The following CHCHD2 variants were observed in gnomAD, a reference collection of about 807,000 sequenced individuals.
The protein encoded by CHCHD2 is coiled-coil-helix-coiled-coil-helix domain-containing protein 2.
In CHCHD2, 17 loss-of-function variants were observed where a neutral mutation model predicts 17.5. That is an observed-to-expected ratio of 0.97 (90% CI 0.67 to 1.46). The LOEUF is 1.46. CHCHD2 is among the 40% of genes most tolerant of loss of function. The pLI is 0.00. For synonymous variants in CHCHD2, 63 were observed against 74.3 expected, an observed-to-expected ratio of 0.85 and a Z score of 0.78; for missense variants, 175 against 199.9, an observed-to-expected ratio of 0.88 and a Z score of 0.75.
chr7:56,103,893 C>T (rs777311600), intron 2 of CHCHD2, among the ~76,000 whole-genome samples: 5 of 152,092 alleles, frequency 3.3e-5, no homozygotes, highest in Non-Finnish European at 7.3e-5. Context: ...CACAGCTATG[C>T]GAGATTTTTG....
rs1785384119 is a variant in CHCHD2 at position 56,106,352 on chromosome 7, C to A, written c.50+12G>T. 6.2e-7 allele frequency: 1 copy of A among 1,612,702 alleles called. No homozygotes were observed. Among genetic ancestry groups the A allele is most frequent in the South Asian group, 1.1e-5 (1 of 90,932 alleles). On this transcript the variant is annotated intron_variant, in intron 1 of 3. Transcript: ENST00000395422. ...GGCCGCGCTTTGGTCTCAAACCCTGCGATGGTCTCACCTGGCCGGAGGGGC... is the reference window on the plus strand; with the variant it reads ...GGCCGCGCTTTGGTCTCAAACCCTGAGATGGTCTCACCTGGCCGGAGGGGC...
Position 56,101,691 on chromosome 7 carries a change from C to A in CHCHD2, c.*160G>T, listed in dbSNP as rs1049959679. On this transcript the variant is annotated 3_prime_UTR_variant, in exon 4 of 4. Coordinates refer to ENST00000395422, the MANE Select transcript of CHCHD2 (RefSeq NM_016139.4). Reference sequence around the variant, plus strand: ...TCCCAGATTCTACAGAGTAGGGACACCCCCACTTCCATTTCAATTCTGAAG... The same window carrying A: ...TCCCAGATTCTACAGAGTAGGGACAACCCCACTTCCATTTCAATTCTGAAG... 8 of 662,700 alleles carry A rather than the reference C, an allele frequency of 1.2e-5. No homozygotes were observed. In the Admixed American group the frequency reaches 1.4e-4, roughly 12 times the overall value. 41.1% of individuals were successfully genotyped at this position (662,700 alleles called of 1,614,324 possible).
chr7:56,106,356 G>A lies in CHCHD2; in HGVS notation c.50+8C>T, dbSNP rs1366234573. 2 of 1,612,912 alleles carry A rather than the reference G, an allele frequency of 1.2e-6. No homozygotes were observed. Among genetic ancestry groups the A allele is most frequent in the Non-Finnish European group, 1.7e-6 (2 of 1,179,362 alleles). On this transcript the variant is annotated splice_region_variant and intron_variant, in intron 1 of 3. Transcript: ENST00000395422. ...GCGCTTTGGTCTCAAACCCTGCGATGGTCTCACCTGGCCGGAGGGGCCATG... is the reference window on the plus strand; with the variant it reads ...GCGCTTTGGTCTCAAACCCTGCGATAGTCTCACCTGGCCGGAGGGGCCATG...
At chr7:56,105,028 C>T (rs187782732) in intron 1 of CHCHD2, among the ~76,000 whole-genome samples, 131 of 151,762 alleles carry the variant, frequency 8.6e-4, no homozygotes, top group African/African-American at 3.0e-3. Flanking sequence ...CTTCTGCCTC[C>T]GCTTCCCAAG....
In CHCHD2 at chr7:56,104,256, A is replaced by G; in HGVS notation, c.270T>C (p.Ala90=). 7 of 1,613,546 alleles carry G rather than the reference A, an allele frequency of 4.3e-6. No individual in the cohort carries two copies. The highest frequency in any genetic ancestry group is 5.9e-6 in the Non-Finnish European group (7 of 1,179,494). ...AAGTGATGTCAGGCCTCGCAGGCTC[A>G]GCATTACTTCCTCCACTGAAGCCCC... ...ITGGFSGGSN[A]EPARPDITYQ... Residue 90 remains alanine (A), a synonymous_variant, in exon 2 of 4, where the codon GCT becomes GCC. Coordinates refer to ENST00000395422, the MANE Select transcript of CHCHD2 (RefSeq NM_016139.4).
At chr7:56,102,827 A>G in intron 3 of CHCHD2, 40 bp downstream of exon 3, 2 of 1,606,334 alleles carry the variant, frequency 1.2e-6, no homozygotes, top group Non-Finnish European at 1.7e-6. Context: ...CAGGAATTCC[A>G]CTGTGAATTA....
chr7:56,105,954 G>C (rs1431452049), intron 1 of CHCHD2, among the ~76,000 whole-genome samples: 1 of 152,150 alleles, frequency 6.6e-6, no homozygotes, highest in African/African-American at 2.4e-5. Context: ...TCAACGTTCA[G>C]ATGCTTTCAA....
chr7:56,103,811 C>T (rs1785329415), intron 2 of CHCHD2, among the ~76,000 whole-genome samples: 1 of 152,170 alleles, frequency 6.6e-6, no homozygotes, highest in Non-Finnish European at 1.5e-5. Context: ...GTATACACAC[C>T]TATGCTCATT....
At chr7:56,106,077 T>A (rs1477167841) in intron 1 of CHCHD2, among the ~76,000 whole-genome samples, 2 of 152,180 alleles carry the variant, frequency 1.3e-5, no homozygotes, top group African/African-American at 4.8e-5. Flanking sequence ...TTTCCTTGGG[T>A]GCTCTTTTCC....
intron 3 of CHCHD2, among the ~76,000 whole-genome samples, chr7:56,102,380 G>C (rs141120984): frequency 1.4e-5 from 2 of 146,150 alleles, no homozygotes; most frequent in Non-Finnish European, 3.0e-5. Context: ...ATTTGAGACA[G>C]TGTCTCCCAC....
rs762199227 is a variant in CHCHD2 at position 56,104,304 on chromosome 7, G to T, written c.222C>A (p.His74Gln). 6.2e-7 allele frequency: 1 copy of T among 1,613,842 alleles called. No homozygotes were observed. Among genetic ancestry groups the T allele is most frequent in the Non-Finnish European group, 8.5e-7 (1 of 1,179,788 alleles). Reference protein sequence around the residue: ...AGVAVGSAVGHTLGHAITGGF... With the variant: ...AGVAVGSAVGQTLGHAITGGF... Reference sequence around the variant, plus strand: ...CCCCAGTAATGGCGTGACCCAATGTGTGCCCCACAGCAGAGCCCACAGCCA... The same window carrying T: ...CCCCAGTAATGGCGTGACCCAATGTTTGCCCCACAGCAGAGCCCACAGCCA... Residue 74 changes from histidine to glutamine, a missense_variant, in exon 2 of 4, where the codon CAC (histidine) becomes CAA (glutamine). By Grantham distance (24) the His-to-Gln change is conservative. Transcript: ENST00000395422.
chr7:56,102,839 G>A (rs1785312414), intron 3 of CHCHD2, 28 bp downstream of exon 3: 1 of 1,611,882 alleles, frequency 6.2e-7, no homozygotes, highest in Non-Finnish European at 8.5e-7. Flanking sequence ...TGTGAATTAA[G>A]CAGATGTAAA....
chr7:56,104,448 G>C lies in CHCHD2; in HGVS notation c.78C>G (p.Pro26=). The C allele has an allele frequency of 6.2e-7, 1 of 1,606,372 alleles. No individual in the cohort carries two copies. The highest frequency in any genetic ancestry group is 8.5e-7 in the Non-Finnish European group (1 of 1,175,942). ...ASRAPQMRAA[P]RPAPVAQPPA... ...GTGGCTGAGCGACTGGTGCTGGCCT[G>C]GGTGCAGCTCTCATCTGAGGGGCCC... The change falls in exon 2 of 4, where the codon CCC becomes CCG. Residue 26 remains proline (P), a synonymous_variant. Transcript: ENST00000395422.
rs112334416 is a variant in CHCHD2 at position 56,101,980 on chromosome 7, G to GT, written c.446-120dup. 4.9e-3 allele frequency: 4,629 copies of GT among 939,566 alleles called. 21 individuals carry two copies. The highest frequency in any genetic ancestry group is 0.026 in the African/African-American group (1,558 of 58,810). 58.2% of individuals were successfully genotyped at this position (939,566 alleles called of 1,614,324 possible). A position where few individuals can be genotyped will look rare whatever the true frequency, so the allele number is the denominator to read the frequency against. On this transcript the variant is annotated intron_variant, in intron 3 of 3. Coordinates refer to ENST00000395422, the MANE Select transcript of CHCHD2 (RefSeq NM_016139.4). ...CAAGGCTATGGGTTTTTTGTTTTTT[G>GT]TTTTTTTTTGATAAAAAATAGAGAT...
chr7:56,104,046 T>G (rs1000020811), intron 2 of CHCHD2, among the ~76,000 whole-genome samples, 180 bp downstream of exon 2: 1 of 152,238 alleles, frequency 6.6e-6, no homozygotes, highest in African/African-American at 2.4e-5. Flanking sequence ...TGTACAGTAC[T>G]TGTTGGTGCT....
In CHCHD2 at chr7:56,104,067, A is replaced by C. The variant is rs6593298; in HGVS notation, c.300+159T>G. Among the ~76,000 whole-genome samples the C allele has an allele frequency of 0.18, 28,089 of 152,232 alleles. 2,760 individuals are homozygous for C. The highest frequency in any genetic ancestry group is 0.23 in the African/African-American group (9,522 of 41,526). ...GTACTTGTTGGTGCTGGCCTAAGGC[A>C]GTAACTCAACGGCCAAATGTGGCTT... On this transcript the variant is annotated intron_variant, in intron 2 of 3. Coordinates refer to ENST00000395422, the MANE Select transcript of CHCHD2 (RefSeq NM_016139.4).
chr7:56,102,341 A>G (rs1447393161), intron 3 of CHCHD2, among the ~76,000 whole-genome samples: 1 of 143,594 alleles, frequency 7.0e-6, no homozygotes, highest in African/African-American at 2.7e-5. Context: ...ATACTGATTT[A>G]TACCTTCTTT....
intron 1 of CHCHD2, among the ~76,000 whole-genome samples, chr7:56,105,087 T>A (rs1344619795): frequency 2.0e-5 from 3 of 151,476 alleles, no homozygotes; most frequent in Admixed American, 2.0e-4. Context: ...ATTTTTGTAT[T>A]TCTAGTAGAG....
At position 56,106,435 on chromosome 7, in the gene CHCHD2, C is replaced by A. The variant is rs764116300; in HGVS notation, c.-22G>T. ...GCATCCTAGGTAAGCGACGGCTAGG[C>A]CTCCGGACGTGGGACAACCACCGAA... is the stretch of plus-strand genomic sequence containing the variant. On this transcript the variant is annotated 5_prime_UTR_variant, in exon 1 of 4. Coordinates refer to ENST00000395422, the MANE Select transcript of CHCHD2 (RefSeq NM_016139.4). The A allele has an allele frequency of 1.2e-5, 20 of 1,612,898 alleles. No homozygotes were observed. The Admixed American group carries it at 3.3e-4, about 27-fold the overall frequency.
Sources: allele counts gnomAD v4.1 joint callset (sites outside exome capture counted in the v4.1 genomes callset), GRCh38; gene constraint gnomAD v4.1.1; transcripts MANE v1.5; gene names NCBI Gene and HGNC (gene_info 2026-07-23, HGNC 2026-07-21).